The following DUOXA2 variants were observed in gnomAD, a reference collection of about 807,000 sequenced individuals.
The protein encoded by DUOXA2 is dual oxidase maturation factor 2.
DUOXA2 carries 22 observed loss-of-function variants against 27.6 expected under a neutral mutation model. That is an observed-to-expected ratio of 0.80 (90% CI 0.57 to 1.14). The LOEUF is 1.14. Among genes scored for constraint, DUOXA2 ranks in the 50% most tolerant of loss-of-function variants. The probability of loss-of-function intolerance (pLI) is 0.00; values close to 1 mark genes in which losing one functional copy is unlikely to be tolerated. For missense variants in DUOXA2, 481 were observed against 419.9 expected (o/e 1.15, Z -1.27); for synonymous variants, 188 against 184.4 (o/e 1.02, Z -0.16).
At chr15:45,116,319 G>A in intron 3 of DUOXA2, 61 bp downstream of exon 3, 1 of 1,605,916 alleles carries the variant, frequency 6.2e-7, no homozygotes, top group Non-Finnish European at 8.5e-7. Flanking sequence ...AGGTGAGTGT[G>A]TCAGGGATAG....
In DUOXA2 at chr15:45,116,749, C is replaced by A. The variant is rs767387507; in HGVS notation, c.554+20C>A. On this transcript the variant is annotated intron_variant, in intron 4 of 5. Transcript: ENST00000323030. ...GCTATGGTAAGTGCTGGAGGGAAGG[C>A]TGTGTGCACGTGTGTGTGTGCCAGG... 6 of 1,610,228 alleles carry A rather than the reference C, an allele frequency of 3.7e-6. No individual in the cohort carries two copies. The highest frequency in any genetic ancestry group is 5.1e-6 in the Non-Finnish European group (6 of 1,179,052).
Position 45,118,140 on chromosome 15 carries a change from C to A in DUOXA2, c.*231C>A. 9 of 1,439,562 alleles carry A rather than the reference C, an allele frequency of 6.3e-6. No homozygotes were observed. Among genetic ancestry groups the A allele is most frequent in the Non-Finnish European group, 7.3e-6 (8 of 1,101,634 alleles). 89.2% of individuals were successfully genotyped at this position (1,439,562 alleles called of 1,614,324 possible). On this transcript the variant is annotated 3_prime_UTR_variant, in exon 6 of 6. Coordinates refer to ENST00000323030, the MANE Select transcript of DUOXA2 (RefSeq NM_207581.4). ...CCCATTAATTTTCATGGCTTCTCCG[C>A]GCCGGGGTCGCACGTCCTCATGAGC...
At chr15:45,116,387 G>A (rs1220081752) in intron 3 of DUOXA2, 129 bp downstream of exon 3, 1 of 1,561,236 alleles carries the variant, frequency 6.4e-7, no homozygotes. Flanking sequence ...GTGGATTTGC[G>A]TTTTCTCCAA....
intron 5 of DUOXA2, 78 bp from the exon 6 acceptor site, chr15:45,117,638 G>A (rs751877247): frequency 6.2e-6 from 10 of 1,613,720 alleles, no homozygotes; most frequent in South Asian, 5.5e-5. Flanking sequence ...GTCGTTTGAG[G>A]CCAGAGTTCG....
chr15:45,117,628 G>A (rs1894736613), intron 5 of DUOXA2, 88 bp from the exon 6 acceptor site: 1 of 1,613,686 alleles, frequency 6.2e-7, no homozygotes, highest in Non-Finnish European at 8.5e-7. Flanking sequence ...AGGCAGGAAG[G>A]TCGTTTGAGG....
rs771152587 is a variant in DUOXA2 at position 45,117,206 on chromosome 15, T to C, written c.670T>C (p.Leu224=). 4 of 1,609,418 alleles carry C rather than the reference T, an allele frequency of 2.5e-6. No individual in the cohort carries two copies. The East Asian group carries it at 8.9e-5, about 36-fold the overall frequency. Residue 224 remains leucine (L), a synonymous_variant, in exon 5 of 6, where the codon TTG becomes CTG. Transcript: ENST00000323030. ...GAFALFGVFA[L]ASISSVPLCP... ...CTTCGCGCTCTTCGGGGTCTTCGCC[T>C]TGGCCTCCATCTCTAGCGTGCCGCT... is the stretch of plus-strand genomic sequence containing the variant.
At position 45,115,781 on chromosome 15, in the gene DUOXA2, G is replaced by A. The variant is rs191250593; in HGVS notation, c.148-18G>A. 1.3e-4 allele frequency: 202 copies of A among 1,614,130 alleles called. 3 individuals are homozygous for A. The South Asian group carries it at 1.4e-3, about 11-fold the overall frequency. ...GTTTGGCAGGGCTCAGGCCTGACCC[G>A]GGTGCCTATTCCTGCAGCGCTGGTT... On this transcript the variant is annotated intron_variant, in intron 1 of 5. Transcript: ENST00000323030.
At chr15:45,117,471 G>T (rs1433503580) in intron 5 of DUOXA2, 166 bp downstream of exon 5, 6 of 1,548,590 alleles carry the variant, frequency 3.9e-6, no homozygotes, top group South Asian at 2.4e-5. Flanking sequence ...GATGAAAAGT[G>T]GGGGGCTCAG....
At chr15:45,116,386 C>T in intron 3 of DUOXA2, 128 bp downstream of exon 3, 15 of 1,558,066 alleles carry the variant, frequency 9.6e-6, no homozygotes, top group Non-Finnish European at 1.3e-5. Context: ...CGTGGATTTG[C>T]GTTTTCTCCA....
chr15:45,117,469 G>A, intron 5 of DUOXA2, 164 bp downstream of exon 5: 4 of 1,548,550 alleles, frequency 2.6e-6, no homozygotes, highest in South Asian at 1.2e-5. Context: ...CAGATGAAAA[G>A]TGGGGGGCTC....
intron 4 of DUOXA2, 138 bp from the exon 5 acceptor site, chr15:45,116,953 C>G (rs1330666867): frequency 7.7e-6 from 9 of 1,167,982 alleles, no homozygotes; most frequent in Admixed American, 2.1e-5. Flanking sequence ...CGCTTCTCCC[C>G]CGGGGAATTC....
At position 45,118,335 on chromosome 15, in the gene DUOXA2, C is replaced by A; in HGVS notation, c.*426C>A. On this transcript the variant is annotated 3_prime_UTR_variant, in exon 6 of 6. Coordinates refer to ENST00000323030, the MANE Select transcript of DUOXA2 (RefSeq NM_207581.4). ...GGGACGTTAGGTGGCAGTGATGAGG[C>A]AGGTCACCCACTCCCCCGTCCTGGA... 8.4e-7 allele frequency: 1 copy of A among 1,197,232 alleles called. No homozygotes were observed. Among genetic ancestry groups the A allele is most frequent in the East Asian group, 3.9e-5 (1 of 25,414 alleles). 74.2% of individuals were successfully genotyped at this position (1,197,232 alleles called of 1,614,324 possible).
chr15:45,118,238 A>T lies in DUOXA2; in HGVS notation c.*329A>T, dbSNP rs1894818449. On this transcript the variant is annotated 3_prime_UTR_variant, in exon 6 of 6. Coordinates refer to ENST00000323030, the MANE Select transcript of DUOXA2 (RefSeq NM_207581.4). ...ACCTGATTCTCTGCGTCGACTCCAG[A>T]GTAATAGGGGCGCCCTCTAGTGAGG... The T allele has an allele frequency of 5.0e-6, 7 of 1,406,822 alleles. No individual in the cohort carries two copies. The highest frequency in any genetic ancestry group is 6.4e-6 in the Non-Finnish European group (7 of 1,087,336). 87.1% of individuals were successfully genotyped at this position (1,406,822 alleles called of 1,614,324 possible).
In DUOXA2 at chr15:45,114,752, G is replaced by T. The variant is rs771420822; in HGVS notation, c.147G>T (p.Ser49=). ...TCTTGCCGGGGATCCGTGGCCACTC[G>T]GTAAGGGTGTCCTCATAGTGCAGGT... The part of the protein sequence containing the change: ...LLILPGIRGH[S]RWFWLVRVLL... Residue 49 remains serine (S), a splice_region_variant and synonymous_variant, in exon 1 of 6, where the codon TCG becomes TCT. Transcript: ENST00000323030. The T allele has an allele frequency of 1.9e-6, 3 of 1,614,188 alleles. No homozygotes were observed. The highest frequency in any genetic ancestry group is 2.5e-6 in the Non-Finnish European group (3 of 1,180,022).
Position 45,117,091 on chromosome 15 carries a change from G to T in DUOXA2, c.555G>T (p.Trp185Cys), listed in dbSNP as rs1185737101. ...AGCGGGTCCCCCCACTCCCCGGCAG[G>T]GTGGCGTTCTGCTTCTGGCTCCTCT... is the stretch of plus-strand genomic sequence containing the variant. ...LAGHYASATL[W>C]VAFCFWLLSN... Residue 185 changes from tryptophan (W) to cysteine (C), a missense_variant and splice_region_variant, in exon 5 of 6, where the codon TGG becomes TGT. Coordinates refer to ENST00000323030, the MANE Select transcript of DUOXA2 (RefSeq NM_207581.4). The T allele has an allele frequency of 6.3e-7, 1 of 1,598,678 alleles. No homozygotes were observed. Among genetic ancestry groups the T allele is most frequent in the South Asian group, 1.1e-5 (1 of 90,992 alleles).
At chr15:45,117,683 T>G (rs140808305) in intron 5 of DUOXA2, 33 bp from the exon 6 acceptor site, 3 of 1,613,878 alleles carry the variant, frequency 1.9e-6, no homozygotes, top group East Asian at 2.2e-5. Context: ...TGACTCCACA[T>G]GCCCTCCTTT....
Position 45,116,539 on chromosome 15 carries a change from G to C in DUOXA2, c.364G>C (p.Glu122Gln). 1.2e-6 allele frequency: 2 copies of C among 1,613,942 alleles called. No homozygotes were observed. The highest frequency in any genetic ancestry group is 1.7e-6 in the Non-Finnish European group (2 of 1,180,030). ...AGGGACCCCAGTGCATCAGCTGAAC[G>C]AGACCATTGACTACAACGAGCAGTT... ...LTGTPVHQLN[E>Q]TIDYNEQFTW... The change falls in exon 4 of 6, where the codon GAG (glutamate) becomes CAG (glutamine). Residue 122 changes from glutamate to glutamine, a missense_variant. Transcript: ENST00000323030.
Position 45,118,162 on chromosome 15 carries a change from G to A in DUOXA2, c.*253G>A. ...CCGCGCCGGGGTCGCACGTCCTCAT[G>A]AGCTTCGCTGGGCTGGAGACAGCCT... On this transcript the variant is annotated 3_prime_UTR_variant, in exon 6 of 6. Coordinates refer to ENST00000323030, the MANE Select transcript of DUOXA2 (RefSeq NM_207581.4). 7.0e-7 allele frequency: 1 copy of A among 1,437,406 alleles called. No individual in the cohort carries two copies. The highest frequency in any genetic ancestry group is 9.1e-7 in the Non-Finnish European group (1 of 1,101,152). The allele number at this position is 1,437,406 out of a possible 1,614,324, so 89.0% of individuals were successfully genotyped here. A position where few individuals can be genotyped will look rare whatever the true frequency, so the allele number is the denominator to read the frequency against.
At chr15:45,115,889 C>A (rs184512789) in intron 2 of DUOXA2, 33 bp downstream of exon 2, 1 of 1,613,726 alleles carries the variant, frequency 6.2e-7, no homozygotes, top group Non-Finnish European at 8.5e-7. Flanking sequence ...GGGGAGAGGA[C>A]GGGGTGAGGA....
Sources: allele counts gnomAD v4.1 joint callset, GRCh38; gene constraint gnomAD v4.1.1; transcripts MANE v1.5; gene names NCBI Gene and HGNC (gene_info 2026-07-23, HGNC 2026-07-21).